C11orf52: variants seen among roughly 807,000 people sequenced by gnomAD.
C11orf52 encodes the protein chromosome 11 open reading frame 52, also known as uncharacterized protein C11orf52.
Under a neutral mutation model 11.7 loss-of-function variants are expected in C11orf52, and 9 were observed. The ratio of observed to expected loss-of-function variants is 0.77; its 90% confidence interval spans 0.46 to 1.34. The LOEUF (loss-of-function observed/expected upper bound fraction) is 1.34, where lower values mean the gene tolerates loss of function less well. Among genes scored for constraint, C11orf52 ranks in the 40% most tolerant of loss-of-function variants. The probability of loss-of-function intolerance (pLI) is 0.00; values close to 1 mark genes in which losing one functional copy is unlikely to be tolerated. For synonymous variants in C11orf52, 49 were observed against 57.4 expected, an observed-to-expected ratio of 0.85 and a Z score of 0.66; for missense variants, 139 against 154.8, an observed-to-expected ratio of 0.90 and a Z score of 0.54.
rs1410347027 is a variant in C11orf52 at position 111,926,457 on chromosome 11, C to A, written c.*258C>A. 7.2e-6 allele frequency: 4 copies of A among 551,990 alleles called. No individual in the cohort carries two copies. The highest frequency in any genetic ancestry group is 1.3e-5 in the Non-Finnish European group (4 of 310,588). The allele number at this position is 551,990 out of a possible 1,614,324, so 34.2% of individuals were successfully genotyped here. A position where few individuals can be genotyped will look rare whatever the true frequency, so the allele number is the denominator to read the frequency against. ...TCCACATGAGGTTAGGTGGAGTGTGCAGGGAGGTAGGTCTTCGACCCCACC... is the reference window on the plus strand; with the variant it reads ...TCCACATGAGGTTAGGTGGAGTGTGAAGGGAGGTAGGTCTTCGACCCCACC... On this transcript the variant is annotated 3_prime_UTR_variant, in exon 4 of 4. Transcript: ENST00000278601.
chr11:111,922,538 A>G (rs770249645), intron 1 of C11orf52, among the ~76,000 whole-genome samples: 2 of 152,210 alleles, frequency 1.3e-5, no homozygotes, highest in African/African-American at 2.4e-5. Context: ...GTATTTCCAT[A>G]TATTTTTTAA....
At position 111,926,258 on chromosome 11, in the gene C11orf52, C is replaced by T. The variant is rs1006269885; in HGVS notation, c.*59C>T. The T allele has an allele frequency of 1.3e-6, 2 of 1,595,802 alleles. No homozygotes were observed. The highest frequency in any genetic ancestry group is 1.7e-6 in the Non-Finnish European group (2 of 1,168,226). The stretch of plus-strand genomic sequence containing the variant: ...CACTACACCTGTGGGGGAGAACCTA[C>T]TGCTTTGGGGAATTGGGTGGCAACC... On this transcript the variant is annotated 3_prime_UTR_variant, in exon 4 of 4. Transcript: ENST00000278601.
At chr11:111,920,798 G>T (rs1425356826) in intron 1 of C11orf52, among the ~76,000 whole-genome samples, 1 of 151,986 alleles carries the variant, frequency 6.6e-6, no homozygotes, top group Non-Finnish European at 1.5e-5. Context: ...GCAGAAGTAG[G>T]AAAAAGAAGA....
Position 111,926,438 on chromosome 11 carries a change from T to A in C11orf52, c.*239T>A. 1 of 585,244 alleles carries A rather than the reference T, an allele frequency of 1.7e-6. No homozygotes were observed. Among genetic ancestry groups the A allele is most frequent in the Non-Finnish European group, 3.0e-6 (1 of 333,350 alleles). The allele number at this position is 585,244 out of a possible 1,614,324, so 36.3% of individuals were successfully genotyped here. The stretch of plus-strand genomic sequence containing the variant: ...GGATAGCTAAACTTAGCTATCCACA[T>A]GAGGTTAGGTGGAGTGTGCAGGGAG... On this transcript the variant is annotated 3_prime_UTR_variant, in exon 4 of 4. Coordinates refer to ENST00000278601, the MANE Select transcript of C11orf52 (RefSeq NM_080659.3).
chr11:111,920,688 C>A (rs1169330012), intron 1 of C11orf52, among the ~76,000 whole-genome samples: 1 of 152,080 alleles, frequency 6.6e-6, no homozygotes, highest in Non-Finnish European at 1.5e-5. Flanking sequence ...CACCTGAGCC[C>A]TGGGGGTAGA....
chr11:111,926,338 G>A lies in C11orf52; in HGVS notation c.*139G>A, dbSNP rs1555166992. On this transcript the variant is annotated 3_prime_UTR_variant, in exon 4 of 4. Coordinates refer to ENST00000278601, the MANE Select transcript of C11orf52 (RefSeq NM_080659.3). ...AGAACTCCAAAGCCCCTGGAATTGT[G>A]GGCGTCCCATTTTCTCCCCTGGCCT... 2 of 1,343,434 alleles carry A rather than the reference G, an allele frequency of 1.5e-6. No individual in the cohort carries two copies. Among genetic ancestry groups the A allele is most frequent in the African/African-American group, 2.9e-5 (2 of 68,308 alleles). The allele number at this position is 1,343,434 out of a possible 1,614,324, so 83.2% of individuals were successfully genotyped here.
chr11:111,919,549 G>C (rs1370955691), intron 1 of C11orf52, among the ~76,000 whole-genome samples: 1 of 152,020 alleles, frequency 6.6e-6, no homozygotes, highest in Non-Finnish European at 1.5e-5. Context: ...ATATTGAACC[G>C]GCATTGTTTT....
Position 111,925,839 on chromosome 11 carries a change from CTCTG to C in C11orf52, c.133-114_133-111del, listed in dbSNP as rs1179927729. 7 of 1,566,810 alleles carry C rather than the reference CTCTG, an allele frequency of 4.5e-6. No homozygotes were observed. In the East Asian group the frequency reaches 6.9e-5, roughly 15 times the overall value. ...GAATTTGCTGGCTCTGTCTGTCCTC[CTCTG>C]TCTGTCCTTTGCTCAAAGGAGCAAA... is the stretch of plus-strand genomic sequence containing the variant. On this transcript the variant is annotated intron_variant, in intron 3 of 3. Coordinates refer to ENST00000278601, the MANE Select transcript of C11orf52 (RefSeq NM_080659.3).
chr11:111,921,239 T>C lies in C11orf52; in HGVS notation c.32+2235T>C, dbSNP rs587665998. ...TACTACTCATTCATTTATCCATTCA[T>C]TTATTAAACAGTGTTTATTGAACAT... On this transcript the variant is annotated intron_variant, in intron 1 of 3. Transcript: ENST00000278601. Among the ~76,000 whole-genome samples, 11 of 152,310 alleles carry C rather than the reference T, an allele frequency of 7.2e-5. 1 individual carries two copies. Among genetic ancestry groups the C allele is most frequent in the Non-Finnish European group, 1.2e-4 (8 of 68,034 alleles).
chr11:111,926,128 A>C lies in C11orf52; in HGVS notation c.301A>C (p.Thr101Pro). 6.2e-7 allele frequency: 1 copy of C among 1,614,240 alleles called. No individual in the cohort carries two copies. The highest frequency in any genetic ancestry group is 1.1e-5 in the South Asian group (1 of 91,090). The change falls in exon 4 of 4, where the codon ACA becomes CCA. Residue 101 changes from threonine to proline, a missense_variant. Transcript: ENST00000278601. Reference sequence around the variant, plus strand: ...GAAACACGTGCATTTAGAAAACGCTACAGAGTATGCGACCCTTCGCTTCCC... The same window carrying C: ...GAAACACGTGCATTTAGAAAACGCTCCAGAGTATGCGACCCTTCGCTTCCC... ...EVKHVHLENA[T>P]EYATLRFPQA...
At chr11:111,924,472 G>A (rs1965753657) in intron 2 of C11orf52, 109 bp downstream of exon 2, 4 of 947,062 alleles carry the variant, frequency 4.2e-6, no homozygotes, top group Non-Finnish European at 6.5e-6. Flanking sequence ...AAAGGATAAA[G>A]GGAGACAGCA....
chr11:111,921,222 AT>A (rs1555166542), intron 1 of C11orf52, among the ~76,000 whole-genome samples: 1 of 152,236 alleles, frequency 6.6e-6, no homozygotes, highest in Admixed American at 6.5e-5. Context: ...CCTACTACTC[AT>A]TCATTTATCC....
In C11orf52 at chr11:111,925,721, A is replaced by T; in HGVS notation, c.132+7A>T. ...GCAGCAGAATCTCCCAAAGGTAATGACAGGTCTCTGTCCCCTCTCTGGGGC... is the reference window on the plus strand; with the variant it reads ...GCAGCAGAATCTCCCAAAGGTAATGTCAGGTCTCTGTCCCCTCTCTGGGGC... On this transcript the variant is annotated splice_region_variant and intron_variant, in intron 3 of 3. Coordinates refer to ENST00000278601, the MANE Select transcript of C11orf52 (RefSeq NM_080659.3). 1 of 1,614,188 alleles carries T rather than the reference A, an allele frequency of 6.2e-7. No homozygotes were observed. Among genetic ancestry groups the T allele is most frequent in the Non-Finnish European group, 8.5e-7 (1 of 1,180,002 alleles).
rs1965640905 is a variant in C11orf52 at position 111,918,946 on chromosome 11, G to A, written c.-27G>A. The A allele has an allele frequency of 6.2e-7, 1 of 1,614,134 alleles. No homozygotes were observed. The highest frequency in any genetic ancestry group is 2.2e-5 in the East Asian group (1 of 44,870). On this transcript the variant is annotated 5_prime_UTR_variant, in exon 1 of 4. Transcript: ENST00000278601. ...ACAAGCCTCTTGATGCATAAAAACA[G>A]CTGGGCTCCCTTGGAGACAGAGCGC...
In C11orf52 at chr11:111,924,323, C is replaced by A. The variant is rs782065783; in HGVS notation, c.33-3C>A. ...CATGGGTGATCTGTTTTTCCTATTA[C>A]AGGAGCTGCCCATCAACTTTCCAGA... On this transcript the variant is annotated splice_polypyrimidine_tract_variant and splice_region_variant and intron_variant, in intron 1 of 3. Transcript: ENST00000278601. 5 of 1,613,096 alleles carry A rather than the reference C, an allele frequency of 3.1e-6. No individual in the cohort carries two copies. The highest frequency in any genetic ancestry group is 1.1e-5 in the South Asian group (1 of 90,970).
chr11:111,920,207 AAATAAAATAG>A lies in C11orf52; in HGVS notation c.32+1213_32+1222del, dbSNP rs1199660561. 1.1e-4 allele frequency among the ~76,000 whole-genome samples: 16 copies of A among 152,070 alleles called. 1 individual carries two copies. The highest frequency in any genetic ancestry group is 3.1e-4 in the African/African-American group (13 of 41,462). ...AAGACTCCGTCTCAAAAATAAAATA[AAATAAAATAG>A]AATAAAATAAAATAAAATAAATTAA... On this transcript the variant is annotated intron_variant, in intron 1 of 3. Transcript: ENST00000278601.
Position 111,924,344 on chromosome 11 carries a change from C to G in C11orf52, c.51C>G (p.Phe17Leu), listed in dbSNP as rs782112604. 1.2e-6 allele frequency: 2 copies of G among 1,613,260 alleles called. No homozygotes were observed. Among genetic ancestry groups the G allele is most frequent in the Non-Finnish European group, 1.7e-6 (2 of 1,179,630 alleles). ...ATTACAGGAGCTGCCCATCAACTTT[C>G]CAGAAGAAAAAGAAAACAGGTAACT... ...CGGSWSCPSTFQKKKKTGSQT... is the reference protein window; with the variant it reads ...CGGSWSCPSTLQKKKKTGSQT... Residue 17 changes from phenylalanine to leucine, a missense_variant, in exon 2 of 4, where the codon TTC becomes TTG. Physicochemically the swap from Phe to Leu is conservative, Grantham distance 22 (BLOSUM62 0). Transcript: ENST00000278601.
At chr11:111,919,053 T>C in intron 1 of C11orf52, 49 bp downstream of exon 1, 1 of 1,608,886 alleles carries the variant, frequency 6.2e-7, no homozygotes, top group Non-Finnish European at 8.5e-7. Context: ...TGTTGGTGGA[T>C]GTAGAGGCCC....
chr11:111,921,414 C>T lies in C11orf52; in HGVS notation c.32+2410C>T, dbSNP rs373263785. 2.0e-5 allele frequency among the ~76,000 whole-genome samples: 3 copies of T among 152,266 alleles called. No homozygotes were observed. The East Asian group carries it at 5.8e-4, about 29-fold the overall frequency. On this transcript the variant is annotated intron_variant, in intron 1 of 3. Transcript: ENST00000278601. The stretch of plus-strand genomic sequence containing the variant: ...CCAATTAATGGGAAATACGTAGCCA[C>T]TTCATAAAGAATGTTGGAAGAACAC...
Sources: gnomAD v4.1 joint callset for allele counts (sites outside exome capture counted in the v4.1 genomes callset) on GRCh38, gnomAD v4.1.1 for gene constraint, MANE v1.5 for transcripts, NCBI Gene and HGNC (gene_info 2026-07-23, HGNC 2026-07-21) for gene names.